Variants in ABLIM1 observed in about 807,000 individuals in gnomAD.
ABLIM1 encodes actin binding LIM protein 1.
A neutral mutation model predicts 107.0 loss-of-function variants in ABLIM1; 40 were observed. The ratio of observed to expected loss-of-function variants is 0.37; its 90% CI spans 0.29 to 0.49. ABLIM1 has a LOEUF of 0.49. ABLIM1 is among the 20% of genes least tolerant of loss of function. The pLI is 0.97. For synonymous variants in ABLIM1, 357 were observed against 357.3 expected (o/e 1.00, Z 0.01); for missense variants, 857 against 1,008.5 (o/e 0.85, Z 2.04).
At chr10:114,479,935 G>A (rs2057085843) in intron 8 of ABLIM1, among the ~76,000 whole-genome samples, 1 of 151,920 alleles carries the variant, frequency 6.6e-6, no homozygotes, top group African/African-American at 2.4e-5. Flanking sequence ...TCCATAATTT[G>A]CTGTTATGGC....
chr10:114,562,920 G>C (rs748515421), intron 4 of ABLIM1, among the ~76,000 whole-genome samples: 51 of 152,252 alleles, frequency 3.3e-4, no homozygotes, highest in Non-Finnish European at 5.7e-4. Context: ...GTCAGAGAGA[G>C]AAATATACCA....
intron 22 of ABLIM1, among the ~76,000 whole-genome samples, chr10:114,437,598 C>T (rs1025557574): frequency 2.0e-5 from 3 of 151,928 alleles, no homozygotes; most frequent in African/African-American, 4.8e-5. Flanking sequence ...GGATTATGGG[C>T]GTGAGCCACC....
chr10:114,470,720 C>T (rs1174996597), intron 10 of ABLIM1, among the ~76,000 whole-genome samples: 1 of 152,186 alleles, frequency 6.6e-6, no homozygotes, highest in Non-Finnish European at 1.5e-5. Flanking sequence ...GTAAATAGCT[C>T]ACTTACTCTT....
intron 1 of ABLIM1, among the ~76,000 whole-genome samples, chr10:114,647,251 G>A (rs2079051518): frequency 1.4e-5 from 2 of 145,606 alleles, no homozygotes; most frequent in South Asian, 2.1e-4. Flanking sequence ...CGCCTGCCTC[G>A]GCCTCCCAAA....
Position 114,433,938 on chromosome 10 carries a change from C to T in ABLIM1, c.*2322G>A, listed in dbSNP as rs2059112444. The T allele has an allele frequency of 6.6e-6, 1 of 152,150 alleles. No homozygotes were observed. Among genetic ancestry groups the T allele is most frequent in the Admixed American group, 6.5e-5 (1 of 15,284 alleles). The allele number at this position is 152,150 out of a possible 1,614,324, so 9.4% of individuals were successfully genotyped here. On this transcript the variant is annotated 3_prime_UTR_variant, in exon 23 of 23. Coordinates refer to ENST00000533213, the MANE Select transcript of ABLIM1 (RefSeq NM_002313.7). ...GTAAAACGTAGGGACCCTTTATTAG[C>T]TCCATAATGAAAAAAATCTCTCCAC...
chr10:114,445,193 C>T, intron 16 of ABLIM1, 119 bp downstream of exon 16: 2 of 886,646 alleles, frequency 2.3e-6, no homozygotes, highest in Non-Finnish European at 1.8e-6. Context: ...TTTCAAGCCC[C>T]TTGAAGACTG....
intron 2 of ABLIM1, among the ~76,000 whole-genome samples, chr10:114,601,367 C>T (rs539696755): frequency 2.6e-5 from 4 of 151,636 alleles, no homozygotes; most frequent in East Asian, 1.9e-4. Context: ...CGGGTTCAAG[C>T]GATTCTCCTG....
At chr10:114,500,322 A>C (rs899701671) in intron 6 of ABLIM1, among the ~76,000 whole-genome samples, 92 of 152,202 alleles carry the variant, frequency 6.0e-4, no homozygotes, top group Admixed American at 6.0e-3. Context: ...GGAGCAAGAG[A>C]ACCCAGGGCC....
intron 6 of ABLIM1, among the ~76,000 whole-genome samples, chr10:114,522,925 T>G (rs887450962): frequency 1.3e-5 from 2 of 151,988 alleles, no homozygotes; most frequent in South Asian, 2.1e-4. Flanking sequence ...CTGAAGCGGG[T>G]GGATCACTTG....
intron 6 of ABLIM1, among the ~76,000 whole-genome samples, chr10:114,510,017 C>G (rs2025105): frequency 6.6e-6 from 1 of 152,216 alleles, no homozygotes; most frequent in African/African-American, 2.4e-5. Flanking sequence ...TTCACTACCA[C>G]GAGAACAGCA....
At chr10:114,488,118 C>T in intron 7 of ABLIM1, 102 bp from the exon 8 acceptor site, 2 of 1,228,168 alleles carry the variant, frequency 1.6e-6, no homozygotes, top group Non-Finnish European at 2.4e-6. Context: ...CTTTCCCCAT[C>T]ATAGGAAGGT....
chr10:114,676,223 A>C (rs1182245705), intron 1 of ABLIM1, among the ~76,000 whole-genome samples: 1 of 152,220 alleles, frequency 6.6e-6, no homozygotes, highest in Non-Finnish European at 1.5e-5. Context: ...TCACGCCTCT[A>C]ATCACAGCAC....
chr10:114,791,292 T>C, the ABLIM1 span, among the ~76,000 whole-genome samples: 15 of 152,316 alleles, frequency 9.8e-5, no homozygotes, highest in East Asian at 2.1e-3. Flanking sequence ...TCTTGCTTTG[T>C]TGCCCAGGCT....
chr10:114,738,928 A>T (rs528584850), intron 1 of ABLIM1, among the ~76,000 whole-genome samples: 1 of 152,338 alleles, frequency 6.6e-6, no homozygotes, highest in East Asian at 1.9e-4. Flanking sequence ...CACAATTAAG[A>T]TGCTAAAATG....
intron 1 of ABLIM1, among the ~76,000 whole-genome samples, chr10:114,754,432 C>G (rs2082586472): frequency 6.6e-6 from 1 of 152,232 alleles, no homozygotes; most frequent in African/African-American, 2.4e-5. Flanking sequence ...CCTGGCTTCA[C>G]AGAATGCAGT....
At chr10:114,453,631 C>A in intron 12 of ABLIM1, 148 bp from the exon 13 acceptor site, 1 of 715,416 alleles carries the variant, frequency 1.4e-6, no homozygotes, top group Non-Finnish European at 2.2e-6. Flanking sequence ...AATTTATCAA[C>A]TTGACTTGCA....
At chr10:114,711,871 GC>G (rs1723549214) in intron 1 of ABLIM1, among the ~76,000 whole-genome samples, 1 of 152,048 alleles carries the variant, frequency 6.6e-6, no homozygotes, top group South Asian at 2.1e-4. Flanking sequence ...CCTGCTAAGT[GC>G]CCCCCGCACC....
At position 114,487,987 on chromosome 10, in the gene ABLIM1, G is replaced by C. The variant is rs761525976; in HGVS notation, c.1012C>G (p.Gln338Glu). ...GSTVWHPDCK[Q>E]STKTEEKLRP... is the part of the protein sequence containing the mutation. ...AGCTTTTCCTCGGTCTTCGTAGATT[G>C]CTTACAGTCGGGATGCCAAACGGTG... The change falls in exon 8 of 23, where the codon CAA (glutamine) becomes GAA (glutamate). Residue 338 changes from glutamine to glutamate, a missense_variant. Gln to Glu is a conservative substitution (Grantham distance 29). Around this residue, in one of 5 missense-constraint regions of ABLIM1, gnomAD observed 381 missense variants for 506.9 expected, o/e 0.75. Coordinates refer to ENST00000533213, the MANE Select transcript of ABLIM1 (RefSeq NM_002313.7). The C allele has an allele frequency of 3.7e-6, 6 of 1,614,134 alleles. No homozygotes were observed. In the Admixed American group the frequency reaches 1.0e-4, roughly 27 times the overall value.
chr10:114,525,179 C>A (rs369959155), intron 6 of ABLIM1, among the ~76,000 whole-genome samples: 54 of 152,334 alleles, frequency 3.5e-4, no homozygotes, highest in African/African-American at 1.1e-3. Flanking sequence ...CAGTCCCCTG[C>A]AACAAACTAT....
Sources: gnomAD v4.1 joint callset for allele counts (sites outside exome capture counted in the v4.1 genomes callset) on GRCh38, gnomAD v4.1.1 for gene constraint, gnomAD v4.1.1 regional missense constraint, MANE v1.5 for transcripts, NCBI Gene and HGNC (gene_info 2026-07-23, HGNC 2026-07-21) for gene names.